DAG1: variants seen among roughly 807,000 people sequenced by gnomAD.
DAG1 encodes dystroglycan 1 (dystrophin-associated glycoprotein 1).
A neutral mutation model predicts 46.1 loss-of-function variants in DAG1; 8 were observed. The observed-to-expected ratio is 0.17, with a 90% CI of 0.10 to 0.31. The LOEUF is 0.31. DAG1 is among the 10% of genes least tolerant of loss of function. DAG1 has a pLI of 1.00. For missense variants in DAG1, 1,003 were observed against 1,189.9 expected (o/e 0.84, Z 2.31); for synonymous variants, 495 against 481.8 (o/e 1.03, Z -0.36).
chr3:49,486,195 T>TTTAG (rs2050020996), intron 1 of DAG1, among the ~76,000 whole-genome samples: 1 of 84,368 alleles, frequency 1.2e-5, no homozygotes, highest in Admixed American at 1.1e-4. Context: ...CTTTTATTTA[T>TTTAG]TTATTTATTT....
Position 49,496,932 on chromosome 3 carries a change from T to A in DAG1, c.-116-13487T>A, listed in dbSNP as rs557999682. ...GAGCCACTATGCCTGGCCTAAATTT[T>A]TTTTTGTAGAGATGGGGGTCTCACT... is the stretch of plus-strand genomic sequence containing the variant. On this transcript the variant is annotated intron_variant, in intron 1 of 2. Transcript: ENST00000308775. Among the ~76,000 whole-genome samples, 4 of 152,166 alleles carry A rather than the reference T, an allele frequency of 2.6e-5. No individual in the cohort carries two copies. In the South Asian group the frequency reaches 8.3e-4, roughly 32 times the overall value.
intron 1 of DAG1, among the ~76,000 whole-genome samples, chr3:49,489,017 C>T (rs1275124602): frequency 6.6e-6 from 1 of 152,056 alleles, no homozygotes; most frequent in African/African-American, 2.4e-5. Context: ...GTCTGCTCAC[C>T]TGAGGACCTG....
rs189594316 is a variant in DAG1 at position 49,511,210 on chromosome 3, T to C, written c.285+391T>C. ...TTTTAAAATAAGATATAAATAAATATAGGAGTTCTGCTCTGATTTGCTGAT... is the reference window on the plus strand; with the variant it reads ...TTTTAAAATAAGATATAAATAAATACAGGAGTTCTGCTCTGATTTGCTGAT... On this transcript the variant is annotated intron_variant, in intron 2 of 2. Transcript: ENST00000308775. Among the ~76,000 whole-genome samples the C allele has an allele frequency of 4.6e-5, 7 of 152,314 alleles. No homozygotes were observed. The East Asian group carries it at 1.2e-3, about 25-fold the overall frequency.
At chr3:49,520,433 A>G (rs1162956664) in intron 2 of DAG1, among the ~76,000 whole-genome samples, 1 of 152,154 alleles carries the variant, frequency 6.6e-6, no homozygotes, top group African/African-American at 2.4e-5. Flanking sequence ...GGTGTTGTCT[A>G]TGGTACCCAG....
intron 1 of DAG1, among the ~76,000 whole-genome samples, chr3:49,495,914 C>T (rs1287124438): frequency 6.6e-6 from 1 of 151,748 alleles, no homozygotes; most frequent in Non-Finnish European, 1.5e-5. Flanking sequence ...GAGCGAGACT[C>T]CGTCTCAAAA....
chr3:49,528,275 ATTTTTTTTTTTTTTT>A (rs147292984), intron 2 of DAG1, among the ~76,000 whole-genome samples: 1 of 66,660 alleles, frequency 1.5e-5, no homozygotes, highest in Admixed American at 2.1e-4. Context: ...AAATAGTGTG[ATTTTTTTTTTTTTTT>A]TTTTTTTTTT....
At chr3:49,495,539 C>G (rs1163380415) in intron 1 of DAG1, among the ~76,000 whole-genome samples, 1 of 151,976 alleles carries the variant, frequency 6.6e-6, no homozygotes, top group Non-Finnish European at 1.5e-5. Context: ...TAATTCATTC[C>G]CACTTGGATT....
At chr3:49,478,438 TA>T (rs57121601) in intron 1 of DAG1, among the ~76,000 whole-genome samples, 72 of 119,434 alleles carry the variant, frequency 6.0e-4, no homozygotes, top group Middle Eastern at 4.5e-3. Flanking sequence ...CTACAAAAAA[TA>T]AAAAAAAAAA....
chr3:49,533,236 G>C lies in DAG1; in HGVS notation c.*37G>C. 2 of 1,604,774 alleles carry C rather than the reference G, an allele frequency of 1.2e-6. No individual in the cohort carries two copies. The highest frequency in any genetic ancestry group is 1.7e-6 in the Non-Finnish European group (2 of 1,179,726). On this transcript the variant is annotated 3_prime_UTR_variant, in exon 3 of 3. Transcript: ENST00000308775. The stretch of plus-strand genomic sequence containing the variant: ...CTGGGTGGAGGCAGGGTAGGGCAGG[G>C]GCCTGGAGACGACATGGTGTTGTCT...
At position 49,531,688 on chromosome 3, in the gene DAG1, G is replaced by A. The variant is rs750363727; in HGVS notation, c.1177G>A (p.Ala393Thr). Residue 393 changes from alanine to threonine, a missense_variant, in exon 3 of 3, where the codon GCT (alanine) becomes ACT (threonine). Physicochemically the swap from Ala to Thr is moderately conservative, Grantham distance 58. This residue lies in a region of DAG1 where 755 missense variants were observed against 854.1 expected (regional missense o/e 0.88). Transcript: ENST00000308775. The surrounding 1 kb of genome is among the most constrained non-coding windows in gnomAD (Gnocchi z 7.0). ...GPIQPTRVSE[A>T]GTTVPGQIRP... is the part of the protein sequence containing the mutation. Reference sequence around the variant, plus strand: ...CATCCAGCCTACTCGGGTGTCAGAAGCTGGCACCACAGTTCCTGGCCAGAT... The same window carrying A: ...CATCCAGCCTACTCGGGTGTCAGAAACTGGCACCACAGTTCCTGGCCAGAT... 1 of 1,613,670 alleles carries A rather than the reference G, an allele frequency of 6.2e-7. No homozygotes were observed. The highest frequency in any genetic ancestry group is 8.5e-7 in the Non-Finnish European group (1 of 1,179,718).
At chr3:49,518,486 G>A (rs1403170281) in intron 2 of DAG1, among the ~76,000 whole-genome samples, 1 of 152,166 alleles carries the variant, frequency 6.6e-6, no homozygotes, top group Non-Finnish European at 1.5e-5. Flanking sequence ...CCAACAAAGC[G>A]CCTGAAGCAA....
chr3:49,502,186 A>G (rs2050471555), intron 1 of DAG1, among the ~76,000 whole-genome samples: 2 of 152,218 alleles, frequency 1.3e-5, no homozygotes, highest in Non-Finnish European at 1.5e-5. Context: ...AAAAGAGTTG[A>G]AGAAAAACCT....
At position 49,531,057 on chromosome 3, in the gene DAG1, T is replaced by G; in HGVS notation, c.546T>G (p.Cys182Trp). ...CTGGTGAGGTGGTATCATCTGCCTG[T>G]GCTGCGGATGAACCTGTGACTGTTT... ...PDPGEVVSSA[C>W]AADEPVTVLT... is the part of the protein sequence containing the mutation. Residue 182 changes from cysteine to tryptophan, a missense_variant, in exon 3 of 3, where the codon TGT becomes TGG. Cys to Trp is a radical substitution (Grantham distance 215). This residue lies in a region of DAG1 where 196 missense variants were observed against 239.1 expected (regional missense o/e 0.82). Transcript: ENST00000308775. The surrounding 1 kb of genome is among the most constrained non-coding windows in gnomAD (Gnocchi z 7.0). The G allele has an allele frequency of 6.2e-7, 1 of 1,614,160 alleles. No individual in the cohort carries two copies. The highest frequency in any genetic ancestry group is 8.5e-7 in the Non-Finnish European group (1 of 1,180,018).
chr3:49,516,374 G>C (rs1261148834), intron 2 of DAG1, among the ~76,000 whole-genome samples: 1 of 152,238 alleles, frequency 6.6e-6, no homozygotes, highest in Admixed American at 6.5e-5. Context: ...ATGCTAGCCT[G>C]TGCTGGGGCA....
At chr3:49,500,270 A>G (rs1286260418) in intron 1 of DAG1, among the ~76,000 whole-genome samples, 1 of 152,136 alleles carries the variant, frequency 6.6e-6, no homozygotes, top group African/African-American at 2.4e-5. Context: ...CTCAGCCTCC[A>G]AAGTGCTGGT....
At chr3:49,469,816 G>A (rs773652350), upstream of DAG1, among the ~76,000 whole-genome samples, 1 of 152,222 alleles carries the variant, frequency 6.6e-6, no homozygotes, top group Non-Finnish European at 1.5e-5. Context: ...GAAATAAGGA[G>A]GGCTGAACGC....
chr3:49,512,304 G>A (rs770103085), intron 2 of DAG1, among the ~76,000 whole-genome samples: 1 of 152,192 alleles, frequency 6.6e-6, no homozygotes, highest in Non-Finnish European at 1.5e-5. Context: ...CTGGGTTCAA[G>A]TGATTCTCCT....
In DAG1 at chr3:49,531,574, G is replaced by C; in HGVS notation, c.1063G>C (p.Ala355Pro). 1 of 1,612,036 alleles carries C rather than the reference G, an allele frequency of 6.2e-7. No individual in the cohort carries two copies. Among genetic ancestry groups the C allele is most frequent in the Non-Finnish European group, 8.5e-7 (1 of 1,178,414 alleles). Residue 355 changes from alanine to proline, a missense_variant, in exon 3 of 3, where the codon GCT (alanine) becomes CCT (proline). Around this residue, in one of 3 missense-constraint regions of DAG1, gnomAD observed 755 missense variants for 854.1 expected, o/e 0.88. Transcript: ENST00000308775. The surrounding 1 kb of genome is among the most constrained non-coding windows in gnomAD (Gnocchi z 7.0). The part of the protein sequence containing the change: ...PAIAPPTETM[A>P]PPVRDPVPGK... ...CATTGCTCCTCCAACAGAGACCATG[G>C]CTCCTCCAGTCAGGGATCCTGTTCC... is the stretch of plus-strand genomic sequence containing the variant.
intron 1 of DAG1, among the ~76,000 whole-genome samples, chr3:49,504,870 C>T (rs2050559510): frequency 6.7e-6 from 1 of 149,008 alleles, no homozygotes; most frequent in South Asian, 2.1e-4. Context: ...CTCGGCCTCC[C>T]AAAGTGCTGG....
Sources: gnomAD v4.1 joint callset for allele counts (sites outside exome capture counted in the v4.1 genomes callset) on GRCh38, gnomAD v4.1.1 for gene constraint, gnomAD v4.1.1 regional missense constraint, Gnocchi (gnomAD v3.1) non-coding constraint, MANE v1.5 for transcripts, NCBI Gene and HGNC (gene_info 2026-07-23, HGNC 2026-07-21) for gene names.